NXPE4: variants seen among roughly 807,000 people sequenced by gnomAD.
NXPE4 encodes the protein NXPE family member 4.
Under a neutral mutation model 33.3 loss-of-function variants are expected in NXPE4, and 42 were observed. The ratio of observed to expected loss-of-function variants is 1.26; its 90% CI spans 0.98 to 1.63. The LOEUF (loss-of-function observed/expected upper bound fraction) is 1.63, where lower values mean the gene tolerates loss of function less well. Ranked by LOEUF, NXPE4 falls within the 40% of genes most tolerant of loss-of-function variation. NXPE4 has a pLI of 0.00. For missense variants in NXPE4, 709 were observed against 647.6 expected (o/e 1.09, Z -1.03); for synonymous variants, 253 against 234.9 (o/e 1.08, Z -0.71).
the NXPE4 span, among the ~76,000 whole-genome samples, chr11:114,641,930 T>C: frequency 9.2e-5 from 14 of 152,144 alleles, no homozygotes; most frequent in South Asian, 2.9e-3. Flanking sequence ...TGCCAACACA[T>C]TTGCAAAGTT....
chr11:114,610,790 A>G, the NXPE4 span, among the ~76,000 whole-genome samples: 6 of 152,068 alleles, frequency 3.9e-5, no homozygotes, highest in African/African-American at 1.4e-4. Flanking sequence ...CCCAGTGGAT[A>G]ATAAGTATTG....
the NXPE4 span, among the ~76,000 whole-genome samples, chr11:114,662,444 T>C: frequency 6.6e-6 from 1 of 152,184 alleles, no homozygotes; most frequent in Non-Finnish European, 1.5e-5. Context: ...GGACTCTAAC[T>C]AAACTTGAAA....
the NXPE4 span, among the ~76,000 whole-genome samples, chr11:114,628,576 C>G: frequency 8.0e-5 from 12 of 149,550 alleles, no homozygotes; most frequent in African/African-American, 1.2e-4. Context: ...CAGGAAAGAT[C>G]CAAAATTGAC....
At chr11:114,654,696 A>G in the NXPE4 span, among the ~76,000 whole-genome samples, 2 of 152,156 alleles carry the variant, frequency 1.3e-5, no homozygotes, top group South Asian at 2.1e-4. Context: ...TATATATACC[A>G]TATTTTCTTT....
chr11:114,624,670 C>T, the NXPE4 span, among the ~76,000 whole-genome samples: 1 of 151,924 alleles, frequency 6.6e-6, no homozygotes, highest in Non-Finnish European at 1.5e-5. Flanking sequence ...ACCATGGTTA[C>T]CTGGTGGAAA....
the NXPE4 span, among the ~76,000 whole-genome samples, chr11:114,601,635 AATT>A: frequency 1.2e-5 from 1 of 80,644 alleles, no homozygotes. Flanking sequence ...TATTATTTAT[AATT>A]ATATATAATT....
In NXPE4 at chr11:114,583,160, A is replaced by G. The variant is rs142540044; in HGVS notation, c.97-139T>C. ...ATTGTGATTTTGAATATTGATTTAC[A>G]TACTATTATCAATATTATTTAAATT... On this transcript the variant is annotated intron_variant, in intron 2 of 5. Transcript: ENST00000375478. The G allele has an allele frequency of 9.0e-4, 834 of 922,350 alleles. 8 individuals carry two copies. The African/African-American group carries it at 0.012, about 13-fold the overall frequency. 57.1% of individuals were successfully genotyped at this position (922,350 alleles called of 1,614,324 possible).
the NXPE4 span, among the ~76,000 whole-genome samples, chr11:114,663,703 T>TG: frequency 1.3e-5 from 2 of 151,602 alleles, no homozygotes; most frequent in African/African-American, 4.9e-5. Flanking sequence ...TCTATCTATC[T>TG]ATCTATCTAT....
chr11:114,581,805 G>T lies in NXPE4; in HGVS notation c.831-19C>A. The T allele has an allele frequency of 1.3e-6, 2 of 1,570,040 alleles. No homozygotes were observed. The highest frequency in any genetic ancestry group is 1.1e-5 in the South Asian group (1 of 87,954). On this transcript the variant is annotated intron_variant, in intron 3 of 5. Transcript: ENST00000375478. ...ATTTGACCTTAAAGACACAAATACAGAAATTAATCTGTAGGTGGCCTCAAA... is the reference window on the plus strand; with the variant it reads ...ATTTGACCTTAAAGACACAAATACATAAATTAATCTGTAGGTGGCCTCAAA...
the NXPE4 span, among the ~76,000 whole-genome samples, chr11:114,602,573 AT>A: frequency 7.1e-6 from 1 of 140,048 alleles, no homozygotes; most frequent in Non-Finnish European, 1.5e-5. Context: ...ATTTATAATA[AT>A]TATCTCATAT....
the NXPE4 span, among the ~76,000 whole-genome samples, chr11:114,637,688 G>C: frequency 6.6e-6 from 1 of 150,928 alleles, no homozygotes; most frequent in East Asian, 1.9e-4. Context: ...GCATTTGCTT[G>C]TCTGTAAAGT....
the NXPE4 span, among the ~76,000 whole-genome samples, chr11:114,635,444 A>G: frequency 7.8e-3 from 1,179 of 151,662 alleles, 7 homozygotes; most frequent in Non-Finnish European, 0.012. Flanking sequence ...TTCCTAATTG[A>G]ATACCCTTTA....
chr11:114,671,825 C>T, the NXPE4 span, among the ~76,000 whole-genome samples: 2 of 151,986 alleles, frequency 1.3e-5, no homozygotes, highest in African/African-American at 2.4e-5. Flanking sequence ...CAAGTGACCA[C>T]GGACAGTAAT....
At chr11:114,616,502 G>A in the NXPE4 span, among the ~76,000 whole-genome samples, 46 of 151,384 alleles carry the variant, frequency 3.0e-4, no homozygotes, top group Middle Eastern at 3.4e-3. Flanking sequence ...ACTGTTAACC[G>A]GTGGATAATA....
the NXPE4 span, among the ~76,000 whole-genome samples, chr11:114,614,745 C>T: frequency 5.3e-5 from 8 of 151,488 alleles, no homozygotes; most frequent in African/African-American, 1.7e-4. Context: ...ACCAGTGTTA[C>T]CCAGTGGATA....
the NXPE4 span, among the ~76,000 whole-genome samples, chr11:114,668,273 A>T: frequency 6.6e-6 from 1 of 152,024 alleles, no homozygotes. Flanking sequence ...TTCTGGAGGA[A>T]GATAAGGGAC....
chr11:114,638,778 G>T, the NXPE4 span, among the ~76,000 whole-genome samples: 3 of 151,910 alleles, frequency 2.0e-5, no homozygotes, highest in African/African-American at 7.3e-5. Flanking sequence ...GCAGAACAGC[G>T]GATTTTCGTG....
chr11:114,617,246 A>G, the NXPE4 span, among the ~76,000 whole-genome samples: 9 of 152,214 alleles, frequency 5.9e-5, no homozygotes, highest in East Asian at 1.4e-3. Flanking sequence ...GTGGGTAACC[A>G]CTGTTACCTG....
chr11:114,667,096 T>C, the NXPE4 span, among the ~76,000 whole-genome samples: 1 of 152,130 alleles, frequency 6.6e-6, no homozygotes. Flanking sequence ...GTTCTAACTG[T>C]GCTGTGATGG....
Sources: gnomAD v4.1 joint callset for allele counts (sites outside exome capture counted in the v4.1 genomes callset) on GRCh38, gnomAD v4.1.1 for gene constraint, MANE v1.5 for transcripts, NCBI Gene and HGNC (gene_info 2026-07-23, HGNC 2026-07-21) for gene names.